GPAM: variants seen among roughly 807,000 people sequenced by gnomAD.
GPAM encodes glycerol-3-phosphate acyltransferase 1, mitochondrial.
Under a neutral mutation model 105.0 loss-of-function variants are expected in GPAM, and 56 were observed. The observed-to-expected ratio is 0.53, with a 90% CI of 0.43 to 0.67. The LOEUF (loss-of-function observed/expected upper bound fraction) is 0.67, where lower values mean the gene tolerates loss of function less well. Among genes scored for constraint, GPAM ranks in the 30% least tolerant of loss-of-function variants. GPAM has a pLI of 0.00. For missense variants in GPAM, 855 were observed against 989.8 expected (o/e 0.86, Z 1.83); for synonymous variants, 368 against 354.4 (o/e 1.04, Z -0.43).
chr10:112,207,686 C>A (rs997251937), intron 1 of GPAM, among the ~76,000 whole-genome samples: 12 of 152,216 alleles, frequency 7.9e-5, no homozygotes, highest in African/African-American at 2.7e-4. Flanking sequence ...TTGTCACCAA[C>A]AACCATGTTT....
At chr10:112,155,349 T>G (rs1846997571) in intron 20 of GPAM, 1 of 172,790 alleles carries the variant, frequency 5.8e-6, no homozygotes, top group African/African-American at 2.4e-5. Flanking sequence ...CACACACTGT[T>G]GTGGGAGTAC....
chr10:112,170,649 TTTCCCGG>T (rs1847296835), intron 9 of GPAM, among the ~76,000 whole-genome samples: 2 of 149,564 alleles, frequency 1.3e-5, no homozygotes, highest in South Asian at 2.2e-4. Context: ...TCTAATTCAG[TTTCCCGG>T]TTCCTTGTTC....
chr10:112,211,265 G>T (rs1012228077), intron 1 of GPAM, among the ~76,000 whole-genome samples: 5 of 152,186 alleles, frequency 3.3e-5, no homozygotes, highest in African/African-American at 1.2e-4. Context: ...AGAAGCACCT[G>T]GGGAAGAAGA....
chr10:112,200,754 T>C (rs762078298), intron 1 of GPAM, among the ~76,000 whole-genome samples: 1 of 152,180 alleles, frequency 6.6e-6, no homozygotes, highest in Non-Finnish European at 1.5e-5. Context: ...AGGGATACTT[T>C]TACCTCTAAA....
At chr10:112,214,035 G>C (rs1215912013) in intron 1 of GPAM, among the ~76,000 whole-genome samples, 2 of 152,136 alleles carry the variant, frequency 1.3e-5, no homozygotes, top group African/African-American at 4.8e-5. Context: ...GATAATCTCA[G>C]GAAATCCCAC....
In GPAM at chr10:112,172,897, A is replaced by T. The variant is rs561554071; in HGVS notation, c.657+73T>A. ...AATACATCACAGTACACAAGAAAAC[A>T]TTTCCACAAGAACCCTAAAACCACT... On this transcript the variant is annotated intron_variant, in intron 8 of 21. Coordinates refer to ENST00000348367, the MANE Select transcript of GPAM (RefSeq NM_001244949.2). The T allele has an allele frequency of 1.4e-4, 115 of 843,176 alleles. 1 individual carries two copies. The highest frequency in any genetic ancestry group is 1.3e-3 in the South Asian group (95 of 75,526). 52.2% of individuals were successfully genotyped at this position (843,176 alleles called of 1,614,324 possible).
chr10:112,224,875 C>T, the GPAM span, among the ~76,000 whole-genome samples: 2 of 152,118 alleles, frequency 1.3e-5, no homozygotes, highest in African/African-American at 4.8e-5. Flanking sequence ...CGATAGTCAC[C>T]GCAAGTTCTC....
intron 1 of GPAM, among the ~76,000 whole-genome samples, chr10:112,192,756 G>A (rs1277954450): frequency 6.6e-6 from 1 of 152,220 alleles, no homozygotes; most frequent in Non-Finnish European, 1.5e-5. Flanking sequence ...ATTCTGACAT[G>A]TGTCATAAAT....
Position 112,160,857 on chromosome 10 carries a change from G to C in GPAM, c.1506C>G (p.Leu502=). The C allele has an allele frequency of 3.7e-6, 6 of 1,613,568 alleles. No homozygotes were observed. Among genetic ancestry groups the C allele is most frequent in the Non-Finnish European group, 4.2e-6 (5 of 1,179,658 alleles). The change falls in exon 16 of 22, where the codon CTC becomes CTG. Residue 502 remains leucine, a synonymous_variant. Transcript: ENST00000348367. ...CAAAGAAGTCTTCGACCAATGTGGA[G>C]AGATCAATTCCCTAAAGAAAGATGG... ...LLYRHRQGID[L]STLVEDFFVM...
intron 1 of GPAM, among the ~76,000 whole-genome samples, 177 bp downstream of exon 1, chr10:112,183,516 C>G (rs1847546047): frequency 6.6e-6 from 1 of 152,254 alleles, no homozygotes; most frequent in Non-Finnish European, 1.5e-5. Context: ...TCCTGATCCC[C>G]ACCCCTGCAC....
At chr10:112,190,783 C>T (rs2133282019) in intron 1 of GPAM, among the ~76,000 whole-genome samples, 1 of 152,234 alleles carries the variant, frequency 6.6e-6, no homozygotes, top group Middle Eastern at 3.4e-3. Context: ...TACTTCAGAA[C>T]TGAATAATTC....
intron 17 of GPAM, among the ~76,000 whole-genome samples, chr10:112,159,426 C>T (rs972708983): frequency 4.0e-5 from 6 of 151,862 alleles, no homozygotes; most frequent in Non-Finnish European, 8.8e-5. Context: ...GGTTTCTCCA[C>T]GTTAGCCAGG....
intron 1 of GPAM, among the ~76,000 whole-genome samples, chr10:112,210,910 A>C (rs1589612841): frequency 6.6e-6 from 1 of 152,374 alleles, no homozygotes; most frequent in East Asian, 1.9e-4. Flanking sequence ...GAACAGACCT[A>C]GGCCTATTCT....
chr10:112,200,248 G>T (rs370582794), intron 1 of GPAM, among the ~76,000 whole-genome samples: 16,713 of 133,220 alleles, frequency 0.13, 1,142 homozygotes, highest in South Asian at 0.17. Flanking sequence ...TATATATAGA[G>T]AGAGAGAGAG....
chr10:112,150,040 C>T lies in GPAM; in HGVS notation c.*3510G>A. The T allele has an allele frequency of 5.1e-6, 5 of 985,112 alleles. No homozygotes were observed. The highest frequency in any genetic ancestry group is 6.0e-6 in the Non-Finnish European group (5 of 829,468). The allele number at this position is 985,112 out of a possible 1,614,324, so 61.0% of individuals were successfully genotyped here. ...CGAGTCTTAACATTTCTTTGTACAA[C>T]AGGCAAATAGTTTAATACCTTCCAT... On this transcript the variant is annotated 3_prime_UTR_variant, in exon 22 of 22. Coordinates refer to ENST00000348367, the MANE Select transcript of GPAM (RefSeq NM_001244949.2).
Position 112,161,663 on chromosome 10 carries a change from A to G in GPAM, c.1494+4T>C. The G allele has an allele frequency of 1.9e-6, 3 of 1,610,034 alleles. No homozygotes were observed. Among genetic ancestry groups the G allele is most frequent in the Non-Finnish European group, 2.6e-6 (3 of 1,176,408 alleles). On this transcript the variant is annotated splice_donor_region_variant and intron_variant, in intron 15 of 21. Transcript: ENST00000348367. Reference sequence around the variant, plus strand: ...CTTAACTGCAGGTGACATTGCAGACATACCTGCCTGTGTCTGTAGAGGAGC... The same window carrying G: ...CTTAACTGCAGGTGACATTGCAGACGTACCTGCCTGTGTCTGTAGAGGAGC...
chr10:112,189,738 C>T (rs1399733915), intron 1 of GPAM, among the ~76,000 whole-genome samples: 3 of 152,178 alleles, frequency 2.0e-5, no homozygotes, highest in Non-Finnish European at 4.4e-5. Flanking sequence ...TAAAAGAGGA[C>T]ACAGCTGGCA....
Position 112,152,557 on chromosome 10 carries a change from T to C in GPAM, c.*993A>G, listed in dbSNP as rs1846938658. 2.0e-6 allele frequency: 2 copies of C among 985,274 alleles called. No individual in the cohort carries two copies. The highest frequency in any genetic ancestry group is 2.4e-6 in the Non-Finnish European group (2 of 829,814). The allele number at this position is 985,274 out of a possible 1,614,324, so 61.0% of individuals were successfully genotyped here. A position where few individuals can be genotyped will look rare whatever the true frequency, so the allele number is the denominator to read the frequency against. On this transcript the variant is annotated 3_prime_UTR_variant, in exon 22 of 22. Transcript: ENST00000348367. ...ACCTGGACTGGGGTGCAGTACACAATCTGTGTGCAGTACAGAAAGCCCTCA... is the reference window on the plus strand; with the variant it reads ...ACCTGGACTGGGGTGCAGTACACAACCTGTGTGCAGTACAGAAAGCCCTCA...
At chr10:112,167,091 AT>A (rs1847231445) in intron 11 of GPAM, among the ~76,000 whole-genome samples, 1 of 152,136 alleles carries the variant, frequency 6.6e-6, no homozygotes, top group Non-Finnish European at 1.5e-5. Context: ...TAGGGTATAC[AT>A]CAAGGACAGA....
Sources: gnomAD v4.1 joint callset for allele counts (sites outside exome capture counted in the v4.1 genomes callset) on GRCh38, gnomAD v4.1.1 for gene constraint, MANE v1.5 for transcripts, NCBI Gene and HGNC (gene_info 2026-07-23, HGNC 2026-07-21) for gene names.